KIRREL3: variants seen among roughly 807,000 people sequenced by gnomAD.
KIRREL3 encodes the protein kin of IRRE-like protein 3.
KIRREL3 carries 36 observed loss-of-function variants against 89.7 expected under a neutral mutation model. The observed-to-expected ratio is 0.40, with a 90% CI of 0.31 to 0.53. The LOEUF (loss-of-function observed/expected upper bound fraction) is 0.53. KIRREL3 is among the 20% of genes least tolerant of loss of function. The probability of loss-of-function intolerance (pLI) is 0.49; values close to 1 mark genes in which losing one functional copy is unlikely to be tolerated. For synonymous variants in KIRREL3, 445 were observed against 441.4 expected, an observed-to-expected ratio of 1.01 and a Z score of -0.10; for missense variants, 864 against 1,056.6, an observed-to-expected ratio of 0.82 and a Z score of 2.53.
rs1330736004 is a variant in KIRREL3 at position 126,977,527 on chromosome 11, T to C, written c.55+22928A>G. On this transcript the variant is annotated intron_variant, in intron 1 of 16. Coordinates refer to ENST00000525144, the MANE Select transcript of KIRREL3 (RefSeq NM_032531.4). This position sits in a 1 kb window ranked among gnomAD's most constrained non-coding sequence, Gnocchi z 4.7. ...CATCCACTTTCTTTCGAGATTCCCATTATATTAATTCAATCATTCCTGTAT... is the reference window on the plus strand; with the variant it reads ...CATCCACTTTCTTTCGAGATTCCCACTATATTAATTCAATCATTCCTGTAT... 6.6e-6 allele frequency among the ~76,000 whole-genome samples: 1 copy of C among 152,242 alleles called. No individual in the cohort carries two copies. Among genetic ancestry groups the C allele is most frequent in the Admixed American group, 6.5e-5 (1 of 15,290 alleles).
chr11:126,479,679 G>A (rs1389742974), intron 4 of KIRREL3, among the ~76,000 whole-genome samples: 1 of 152,228 alleles, frequency 6.6e-6, no homozygotes, highest in Non-Finnish European at 1.5e-5. Flanking sequence ...CACGTGTGGG[G>A]ACCCTTGATC....
chr11:126,442,445 A>T (rs946194508), intron 10 of KIRREL3, among the ~76,000 whole-genome samples: 16 of 152,224 alleles, frequency 1.1e-4, no homozygotes, highest in African/African-American at 3.9e-4. Flanking sequence ...CTGCTTCTTA[A>T]AAGAAAATGA....
At chr11:126,425,199 G>A (rs1439752719) in intron 16 of KIRREL3, among the ~76,000 whole-genome samples, 176 bp from the exon 17 acceptor site, 2 of 152,196 alleles carry the variant, frequency 1.3e-5, no homozygotes, top group Non-Finnish European at 2.9e-5. Context: ...AGGTGCAGGG[G>A]AAGAAGGACA....
chr11:126,575,883 C>G lies in KIRREL3; in HGVS notation c.56-12971G>C, dbSNP rs1200492258. 6.6e-6 allele frequency among the ~76,000 whole-genome samples: 1 copy of G among 152,222 alleles called. No homozygotes were observed. The highest frequency in any genetic ancestry group is 1.9e-4 in the East Asian group (1 of 5,184). On this transcript the variant is annotated intron_variant, in intron 1 of 16. Transcript: ENST00000525144. The surrounding 1 kb of genome is among the most constrained non-coding windows in gnomAD (Gnocchi z 7.0). ...CCCTTGCAGATGGGCATCCCCTCCT[C>G]TGGACACCACCCCCCGCCAACTGCC...
In KIRREL3 at chr11:126,571,923, C is replaced by T. The variant is rs1278175641; in HGVS notation, c.56-9011G>A. 6.6e-6 allele frequency among the ~76,000 whole-genome samples: 1 copy of T among 152,222 alleles called. No individual in the cohort carries two copies. The highest frequency in any genetic ancestry group is 1.5e-5 in the Non-Finnish European group (1 of 68,044). ...GAGAAATAGGATCATGAAGGCCATT[C>T]CTGTCCTCCAGTCTGTCTTCCACAC... is the stretch of plus-strand genomic sequence containing the variant. On this transcript the variant is annotated intron_variant, in intron 1 of 16. Transcript: ENST00000525144. This position sits in a 1 kb window ranked among gnomAD's most constrained non-coding sequence, Gnocchi z 7.7.
chr11:126,435,884 C>T (rs746120240), intron 12 of KIRREL3, among the ~76,000 whole-genome samples: 1 of 151,920 alleles, frequency 6.6e-6, no homozygotes, highest in African/African-American at 2.4e-5. Context: ...GCCTCCTGGG[C>T]CTCAGAGGCC....
chr11:126,788,986 A>G lies in KIRREL3; in HGVS notation c.55+211469T>C, dbSNP rs945281724. On this transcript the variant is annotated intron_variant, in intron 1 of 16. Transcript: ENST00000525144. The surrounding 1 kb of genome is among the most constrained non-coding windows in gnomAD (Gnocchi z 4.1). ...TCCCTGTCAAGATTTCTTTGACCCAACGGTGGGCTGGGTTGTGCCCTTCCT... is the reference window on the plus strand; with the variant it reads ...TCCCTGTCAAGATTTCTTTGACCCAGCGGTGGGCTGGGTTGTGCCCTTCCT... Among the ~76,000 whole-genome samples the G allele has an allele frequency of 1.3e-5, 2 of 152,238 alleles. No homozygotes were observed. The highest frequency in any genetic ancestry group is 2.9e-5 in the Non-Finnish European group (2 of 68,020).
Position 126,558,064 on chromosome 11 carries a change from C to T in KIRREL3, c.133+4771G>A, listed in dbSNP as rs539171608. Among the ~76,000 whole-genome samples, 5 of 152,314 alleles carry T rather than the reference C, an allele frequency of 3.3e-5. No homozygotes were observed. The highest frequency in any genetic ancestry group is 2.1e-4 in the South Asian group (1 of 4,830). ...ACATCATTGCAATGCTGAAAGTCCA[C>T]GGAAACCGACACCCACCCTGATGGG... On this transcript the variant is annotated intron_variant, in intron 2 of 16. Coordinates refer to ENST00000525144, the MANE Select transcript of KIRREL3 (RefSeq NM_032531.4). This position sits in a 1 kb window ranked among gnomAD's most constrained non-coding sequence, Gnocchi z 4.0.
rs1341657064 is a variant in KIRREL3 at position 126,755,910 on chromosome 11, G to A, written c.56-192998C>T. On this transcript the variant is annotated intron_variant, in intron 1 of 16. Coordinates refer to ENST00000525144, the MANE Select transcript of KIRREL3 (RefSeq NM_032531.4). This position sits in a 1 kb window ranked among gnomAD's most constrained non-coding sequence, Gnocchi z 4.3. The stretch of plus-strand genomic sequence containing the variant: ...AGAGAGAGAGAGAGAAGACTGAGCT[G>A]AGCACCCAGCACCTAATTTTGGAAA... Among the ~76,000 whole-genome samples, 1 of 151,250 alleles carries A rather than the reference G, an allele frequency of 6.6e-6. No individual in the cohort carries two copies. The highest frequency in any genetic ancestry group is 1.5e-5 in the Non-Finnish European group (1 of 67,952).
At position 126,515,147 on chromosome 11, in the gene KIRREL3, C is replaced by T. The variant is rs998882974; in HGVS notation, c.433+6168G>A. Among the ~76,000 whole-genome samples, 3 of 152,150 alleles carry T rather than the reference C, an allele frequency of 2.0e-5. No individual in the cohort carries two copies. Among genetic ancestry groups the T allele is most frequent in the South Asian group, 2.1e-4 (1 of 4,824 alleles). On this transcript the variant is annotated intron_variant, in intron 4 of 16. Coordinates refer to ENST00000525144, the MANE Select transcript of KIRREL3 (RefSeq NM_032531.4). The surrounding 1 kb of genome is among the most constrained non-coding windows in gnomAD (Gnocchi z 4.2). ...AATCAAGGTGCATAAGGAGGCTGGG[C>T]GCGATGGCTCACGCCTGTAATCTCA...
chr11:126,929,312 C>T (rs946538874), intron 1 of KIRREL3, among the ~76,000 whole-genome samples: 9 of 151,806 alleles, frequency 5.9e-5, no homozygotes, highest in Admixed American at 1.3e-4. Flanking sequence ...GCTAATGATC[C>T]GAATGAAATC....
chr11:126,841,667 A>G (rs1943967189), intron 1 of KIRREL3, among the ~76,000 whole-genome samples: 1 of 152,208 alleles, frequency 6.6e-6, no homozygotes, highest in Non-Finnish European at 1.5e-5. Context: ...AAAGAAAGTT[A>G]TATCCATTAC....
intron 1 of KIRREL3, among the ~76,000 whole-genome samples, chr11:126,753,234 A>G (rs1028132978): frequency 6.6e-6 from 1 of 152,164 alleles, no homozygotes; most frequent in African/African-American, 2.4e-5. Flanking sequence ...AGGCCTCACC[A>G]CTCAAAGCAA....
At position 126,501,116 on chromosome 11, in the gene KIRREL3, G is replaced by A. The variant is rs911594501; in HGVS notation, c.433+20199C>T. The stretch of plus-strand genomic sequence containing the variant: ...TTCCTTGCTGTGAGCCTTGTGCGAG[G>A]CAGGATATCTCCAGTGCAAGGACAC... On this transcript the variant is annotated intron_variant, in intron 4 of 16. Transcript: ENST00000525144. The surrounding 1 kb of genome is among the most constrained non-coding windows in gnomAD (Gnocchi z 5.8). Among the ~76,000 whole-genome samples the A allele has an allele frequency of 6.6e-6, 1 of 152,124 alleles. No individual in the cohort carries two copies. The highest frequency in any genetic ancestry group is 1.5e-5 in the Non-Finnish European group (1 of 68,038).
At position 126,535,236 on chromosome 11, in the gene KIRREL3, C is replaced by T. The variant is rs965131467; in HGVS notation, c.134-8549G>A. ...AAGCCCCCTCTAGATTTCCCTCCTGCGCTTACTCCTGCCTCCTGTCAGCCC... is the reference window on the plus strand; with the variant it reads ...AAGCCCCCTCTAGATTTCCCTCCTGTGCTTACTCCTGCCTCCTGTCAGCCC... On this transcript the variant is annotated intron_variant, in intron 2 of 16. Transcript: ENST00000525144. The surrounding 1 kb of genome is among the most constrained non-coding windows in gnomAD (Gnocchi z 4.5). 2.6e-5 allele frequency among the ~76,000 whole-genome samples: 4 copies of T among 152,142 alleles called. No homozygotes were observed. The highest frequency in any genetic ancestry group is 2.6e-4 in the Admixed American group (4 of 15,268).
At position 126,924,901 on chromosome 11, in the gene KIRREL3, C is replaced by T. The variant is rs1414005953; in HGVS notation, c.55+75554G>A. 6.7e-6 allele frequency among the ~76,000 whole-genome samples: 1 copy of T among 150,106 alleles called. No homozygotes were observed. Among genetic ancestry groups the T allele is most frequent in the Non-Finnish European group, 1.5e-5 (1 of 67,772 alleles). On this transcript the variant is annotated intron_variant, in intron 1 of 16. Coordinates refer to ENST00000525144, the MANE Select transcript of KIRREL3 (RefSeq NM_032531.4). The surrounding 1 kb of genome is among the most constrained non-coding windows in gnomAD (Gnocchi z 4.7). The stretch of plus-strand genomic sequence containing the variant: ...ATGAATATTCGGTGTGACTGTGGCT[C>T]TGTGTATGTGTGTGTGTGTACATGC...
rs1260747057 is a variant in KIRREL3 at position 126,708,996 on chromosome 11, C to T, written c.56-146084G>A. ...ATCCGTGCTAATCCAACAGTTTCTG[C>T]CCCCACCCCAGGACAGCTTGTGTTA... On this transcript the variant is annotated intron_variant, in intron 1 of 16. Coordinates refer to ENST00000525144, the MANE Select transcript of KIRREL3 (RefSeq NM_032531.4). The surrounding 1 kb of genome is among the most constrained non-coding windows in gnomAD (Gnocchi z 5.7). Among the ~76,000 whole-genome samples the T allele has an allele frequency of 6.6e-6, 1 of 152,192 alleles. No individual in the cohort carries two copies. The highest frequency in any genetic ancestry group is 1.5e-5 in the Non-Finnish European group (1 of 68,038).
At position 126,579,432 on chromosome 11, in the gene KIRREL3, T is replaced by G. The variant is rs1941425840; in HGVS notation, c.56-16520A>C. On this transcript the variant is annotated intron_variant, in intron 1 of 16. Transcript: ENST00000525144. The surrounding 1 kb of genome is among the most constrained non-coding windows in gnomAD (Gnocchi z 5.3). The stretch of plus-strand genomic sequence containing the variant: ...TAGCCCTCTGATTTACTTATTAGAT[T>G]TCTACTGTGCCTTTTCTCTGCAGAG... 6.6e-6 allele frequency among the ~76,000 whole-genome samples: 1 copy of G among 152,164 alleles called. No homozygotes were observed. The highest frequency in any genetic ancestry group is 2.1e-4 in the South Asian group (1 of 4,826).
At chr11:127,003,367 G>A (rs1950350267), upstream of KIRREL3, 1 of 153,246 alleles carries the variant, frequency 6.5e-6, no homozygotes, top group Admixed American at 6.5e-5. Context: ...TAGCCTCCTG[G>A]CGCTGCAAGG....
Sources: allele counts gnomAD v4.1 joint callset (sites outside exome capture counted in the v4.1 genomes callset), GRCh38; gene constraint gnomAD v4.1.1; non-coding constraint Gnocchi (gnomAD v3.1); transcripts MANE v1.5; gene names NCBI Gene and HGNC (gene_info 2026-07-23, HGNC 2026-07-21).